SUGCT: variants seen among roughly 807,000 people sequenced by gnomAD.
SUGCT encodes succinyl-CoA:glutarate CoA-transferase.
SUGCT carries 41 observed loss-of-function variants against 55.0 expected under a neutral mutation model. The observed-to-expected ratio is 0.74, with a 90% CI of 0.58 to 0.97. The LOEUF (loss-of-function observed/expected upper bound fraction) is 0.97, where lower values mean the gene tolerates loss of function less well. Among genes scored for constraint, SUGCT ranks in the 50% least tolerant of loss-of-function variants. The pLI, the probability that SUGCT is intolerant of heterozygous loss-of-function variation, is 0.00. For synonymous variants in SUGCT, 187 were observed against 200.4 expected (o/e 0.93, Z 0.56); for missense variants, 568 against 547.8 (o/e 1.04, Z -0.37).
intron 6 of SUGCT, among the ~76,000 whole-genome samples, chr7:40,220,128 A>G (rs1486805994): frequency 1.3e-5 from 2 of 152,178 alleles, no homozygotes; most frequent in Non-Finnish European, 2.9e-5. Context: ...TAAACATGGT[A>G]TGTGATGTTA....
At chr7:40,229,541 G>A (rs955805488) in intron 6 of SUGCT, among the ~76,000 whole-genome samples, 4 of 151,112 alleles carry the variant, frequency 2.6e-5, no homozygotes, top group East Asian at 1.9e-4. Flanking sequence ...GTCCTGGTGC[G>A]GTGGCTTACA....
intron 13 of SUGCT, among the ~76,000 whole-genome samples, chr7:40,818,420 C>A (rs916127086): frequency 6.6e-5 from 10 of 152,208 alleles, no homozygotes; most frequent in African/African-American, 2.2e-4. Flanking sequence ...GGGGCCCAGT[C>A]AGCTGTAGCC....
chr7:40,476,271 G>GGC (rs1790668346), intron 11 of SUGCT, among the ~76,000 whole-genome samples: 1 of 152,128 alleles, frequency 6.6e-6, no homozygotes, highest in African/African-American at 2.4e-5. Flanking sequence ...CAGGCTCTGT[G>GGC]TCAAGGCTAT....
At chr7:40,835,818 C>A (rs1467568673) in intron 13 of SUGCT, among the ~76,000 whole-genome samples, 11 of 151,972 alleles carry the variant, frequency 7.2e-5, no homozygotes. Flanking sequence ...CAGATCCATC[C>A]AATTGGTTAG....
At chr7:40,902,199 G>A in the SUGCT span, among the ~76,000 whole-genome samples, 133 of 152,234 alleles carry the variant, frequency 8.7e-4, 2 homozygotes, top group East Asian at 0.023. Context: ...AGGCATCACA[G>A]AAAAACTTGT....
intron 9 of SUGCT, among the ~76,000 whole-genome samples, chr7:40,376,804 C>T (rs912787431): frequency 4.6e-5 from 7 of 150,696 alleles, no homozygotes; most frequent in African/African-American, 1.7e-4. Context: ...TTACCATTTT[C>T]CTTCTGTATG....
At chr7:41,001,480 T>C in the SUGCT span, among the ~76,000 whole-genome samples, 1 of 152,060 alleles carries the variant, frequency 6.6e-6, no homozygotes, top group Non-Finnish European at 1.5e-5. Context: ...GGATGTTAAC[T>C]GGAGGGAATG....
chr7:40,206,115 C>T (rs773233223), intron 6 of SUGCT, among the ~76,000 whole-genome samples: 2 of 152,128 alleles, frequency 1.3e-5, no homozygotes, highest in Admixed American at 6.6e-5. Flanking sequence ...TTTTATAGAT[C>T]GTGCCAGATA....
intron 7 of SUGCT, among the ~76,000 whole-genome samples, chr7:40,257,994 T>C (rs1434261884): frequency 6.6e-6 from 1 of 152,266 alleles, no homozygotes; most frequent in African/African-American, 2.4e-5. Context: ...TTCTCCACTT[T>C]CTGCAAACAC....
chr7:40,584,836 T>C (rs543586643), intron 12 of SUGCT, among the ~76,000 whole-genome samples: 2 of 152,286 alleles, frequency 1.3e-5, no homozygotes, highest in South Asian at 2.1e-4. Flanking sequence ...TTGGGAGTGA[T>C]AGTAATGACT....
chr7:40,740,087 C>G (rs1338700664), intron 12 of SUGCT, among the ~76,000 whole-genome samples: 2 of 152,060 alleles, frequency 1.3e-5, no homozygotes, highest in African/African-American at 2.4e-5. Context: ...TTTCTTTCAT[C>G]AACATTTTAT....
chr7:40,216,276 C>T (rs1172731600), intron 6 of SUGCT, among the ~76,000 whole-genome samples: 3 of 151,734 alleles, frequency 2.0e-5, no homozygotes, highest in East Asian at 1.9e-4. Context: ...CTGAGGCAGG[C>T]GGATCACCTG....
At chr7:40,851,685 T>TAAAGTA (rs1360368283) in intron 13 of SUGCT, among the ~76,000 whole-genome samples, 2 of 152,228 alleles carry the variant, frequency 1.3e-5, no homozygotes, top group Non-Finnish European at 2.9e-5. Flanking sequence ...AAGCATGGCT[T>TAAAGTA]AAAGTAAAAG....
intron 13 of SUGCT, among the ~76,000 whole-genome samples, chr7:40,803,394 TAA>T (rs897547534): frequency 1.3e-5 from 2 of 152,186 alleles, no homozygotes; most frequent in Non-Finnish European, 2.9e-5. Flanking sequence ...AGCTTGATCT[TAA>T]GAGAGGTTCA....
intron 13 of SUGCT, among the ~76,000 whole-genome samples, chr7:40,778,789 A>G (rs1380118721): frequency 6.6e-6 from 1 of 152,254 alleles, no homozygotes; most frequent in Non-Finnish European, 1.5e-5. Context: ...ATTTTTGTGT[A>G]GAAACATATT....
At chr7:40,532,664 A>G (rs1204474321) in intron 12 of SUGCT, among the ~76,000 whole-genome samples, 1 of 151,814 alleles carries the variant, frequency 6.6e-6, no homozygotes, top group Admixed American at 6.6e-5. Context: ...AAATTTTTAG[A>G]CATTTTAGGT....
chr7:40,672,185 A>C (rs1291282756), intron 12 of SUGCT, among the ~76,000 whole-genome samples: 3 of 152,192 alleles, frequency 2.0e-5, no homozygotes, highest in African/African-American at 4.8e-5. Flanking sequence ...CCTATACAAA[A>C]ATTTACTCAA....
At chr7:40,947,386 A>G in the SUGCT span, among the ~76,000 whole-genome samples, 1 of 152,006 alleles carries the variant, frequency 6.6e-6, no homozygotes, top group Non-Finnish European at 1.5e-5. Context: ...ACTTGTTTGT[A>G]CATGTTTAAA....
the SUGCT span, among the ~76,000 whole-genome samples, chr7:40,983,624 T>A: frequency 8.2e-4 from 125 of 152,298 alleles, no homozygotes; most frequent in African/African-American, 2.9e-3. Context: ...CAGAGCAGCC[T>A]CTCAGTCTAG....
Sources: allele counts gnomAD v4.1 joint callset (sites outside exome capture counted in the v4.1 genomes callset), GRCh38; gene constraint gnomAD v4.1.1; transcripts MANE v1.5; gene names NCBI Gene and HGNC (gene_info 2026-07-23, HGNC 2026-07-21).